Variants in PIP4K2A observed in about 807,000 individuals in gnomAD.
PIP4K2A encodes the protein phosphatidylinositol-5-phosphate 4-kinase type 2 alpha.
A neutral mutation model predicts 42.9 loss-of-function variants in PIP4K2A; 14 were observed. The observed-to-expected ratio is 0.33, with a 90% CI of 0.22 to 0.51. The LOEUF is 0.51. Ranked by LOEUF, PIP4K2A falls within the 20% of genes least tolerant of loss-of-function variation. PIP4K2A has a pLI of 0.97. For missense variants in PIP4K2A, 434 were observed against 519.8 expected, an observed-to-expected ratio of 0.83 and a Z score of 1.61; for synonymous variants, 192 against 192.2, an observed-to-expected ratio of 1.00 and a Z score of 0.01.
chr10:22,673,049 G>A (rs902431832), intron 1 of PIP4K2A, among the ~76,000 whole-genome samples: 1 of 152,248 alleles, frequency 6.6e-6, no homozygotes, highest in Non-Finnish European at 1.5e-5. Flanking sequence ...GGACAGGTGA[G>A]TGCTCTGAAC....
In PIP4K2A at chr10:22,601,079, C is replaced by T. The variant is rs184392709; in HGVS notation, c.339+6848G>A. ...CTTCTAAATCTCAGCTGCTGTTTCACGATGATTAAAACACCAGGGACCCAG... is the reference window on the plus strand; with the variant it reads ...CTTCTAAATCTCAGCTGCTGTTTCATGATGATTAAAACACCAGGGACCCAG... On this transcript the variant is annotated intron_variant, in intron 3 of 9. Transcript: ENST00000376573. Among the ~76,000 whole-genome samples the T allele has an allele frequency of 2.8e-4, 35 of 126,200 alleles. No individual in the cohort carries two copies. In the South Asian group the frequency reaches 5.3e-3, roughly 19 times the overall value. 82.8% of individuals were successfully genotyped at this position (126,200 alleles called of 152,430 possible). A position where few individuals can be genotyped will look rare whatever the true frequency, so the allele number is the denominator to read the frequency against.
chr10:22,693,699 C>T (rs564690596), intron 1 of PIP4K2A, among the ~76,000 whole-genome samples: 25 of 152,264 alleles, frequency 1.6e-4, no homozygotes, highest in African/African-American at 5.8e-4. Context: ...ATGACCTTAA[C>T]ACACACACCC....
chr10:22,689,087 G>A (rs546716873), intron 1 of PIP4K2A, among the ~76,000 whole-genome samples: 9 of 152,204 alleles, frequency 5.9e-5, no homozygotes, highest in South Asian at 4.1e-4. Context: ...CACAAGGGTG[G>A]GTCTGGTGGA....
At chr10:22,674,826 G>A (rs1158277788) in intron 1 of PIP4K2A, among the ~76,000 whole-genome samples, 1 of 151,570 alleles carries the variant, frequency 6.6e-6, no homozygotes, top group African/African-American at 2.4e-5. Flanking sequence ...CCAGCCAGGA[G>A]TGGTGGTGTG....
intron 3 of PIP4K2A, among the ~76,000 whole-genome samples, chr10:22,596,526 A>T (rs1837639660): frequency 6.6e-6 from 1 of 152,232 alleles, no homozygotes; most frequent in Non-Finnish European, 1.5e-5. Context: ...GCCTCAAAAC[A>T]GTCTATCTAC....
At chr10:22,672,287 G>A (rs191766323) in intron 1 of PIP4K2A, among the ~76,000 whole-genome samples, 3 of 148,870 alleles carry the variant, frequency 2.0e-5, no homozygotes, top group East Asian at 2.0e-4. Flanking sequence ...GGGACAGTGT[G>A]GGGGGGGATT....
At chr10:22,650,280 G>T (rs977916480) in intron 1 of PIP4K2A, among the ~76,000 whole-genome samples, 6 of 152,066 alleles carry the variant, frequency 3.9e-5, no homozygotes, top group Non-Finnish European at 8.8e-5. Flanking sequence ...CTGAGACTGG[G>T]TATCCCTTTG....
chr10:22,541,444 GTTAT>G (rs1836110112), intron 8 of PIP4K2A, among the ~76,000 whole-genome samples: 1 of 152,190 alleles, frequency 6.6e-6, no homozygotes, highest in African/African-American at 2.4e-5. Flanking sequence ...CATTTCTGAT[GTTAT>G]TTGTGAACAT....
chr10:22,664,636 A>G (rs1839314134), intron 1 of PIP4K2A, among the ~76,000 whole-genome samples: 1 of 152,112 alleles, frequency 6.6e-6, no homozygotes, highest in Non-Finnish European at 1.5e-5. Context: ...ATGCTTTTAA[A>G]CAAAAATTCT....
At position 22,557,421 on chromosome 10, in the gene PIP4K2A, C is replaced by G. The variant is rs12257835; in HGVS notation, c.679-6649G>C. ...TTTGCAGAATCTCTAAAACCAAAAC[C>G]AAAACAATGTGTTTACCAAAAGAGT... is the stretch of plus-strand genomic sequence containing the variant. On this transcript the variant is annotated intron_variant, in intron 6 of 9. Coordinates refer to ENST00000376573, the MANE Select transcript of PIP4K2A (RefSeq NM_005028.5). Among the ~76,000 whole-genome samples, 900 of 152,240 alleles carry G rather than the reference C, an allele frequency of 5.9e-3. 6 individuals carry two copies. Among genetic ancestry groups the G allele is most frequent in the African/African-American group, 0.02 (849 of 41,544 alleles).
intron 1 of PIP4K2A, among the ~76,000 whole-genome samples, chr10:22,650,329 CACAGCAA>C (rs1449862622): frequency 6.6e-6 from 1 of 152,206 alleles, no homozygotes; most frequent in Non-Finnish European, 1.5e-5. Flanking sequence ...GGCCACAGCT[CACAGCAA>C]CTTCGACTTC....
Position 22,550,769 on chromosome 10 carries a change from T to C in PIP4K2A, c.682A>G (p.Lys228Glu), listed in dbSNP as rs747465159. Residue 228 changes from lysine to glutamate, a missense_variant, in exon 7 of 10, where the codon AAA becomes GAA. By Grantham distance (56) the Lys-to-Glu change is moderately conservative (BLOSUM62 1). Around this residue, in one of 2 missense-constraint regions of PIP4K2A, gnomAD observed 395 missense variants for 444.5 expected, o/e 0.89. Transcript: ENST00000376573. ...AREASDKEKA[K>E]ELPTLKDNDF... The stretch of plus-strand genomic sequence containing the variant: ...TTATCTTTCAGAGTTGGCAGTTCTT[T>C]GGCCTAAAACAAATGAGAAAAACAA... 1 of 1,575,986 alleles carries C rather than the reference T, an allele frequency of 6.3e-7. No individual in the cohort carries two copies. The highest frequency in any genetic ancestry group is 1.1e-5 in the South Asian group (1 of 90,154).
chr10:22,627,528 C>T (rs1838465570), intron 1 of PIP4K2A, among the ~76,000 whole-genome samples: 1 of 139,956 alleles, frequency 7.1e-6, no homozygotes, highest in African/African-American at 2.6e-5. Context: ...CCCTGCTCAT[C>T]AAGAATGTGA....
intron 1 of PIP4K2A, among the ~76,000 whole-genome samples, chr10:22,648,886 C>A (rs1032395606): frequency 4.6e-5 from 7 of 152,186 alleles, no homozygotes; most frequent in African/African-American, 1.7e-4. Flanking sequence ...TACTTGTGAT[C>A]ATCAGAACGT....
chr10:22,700,207 G>A (rs1833689127), intron 1 of PIP4K2A, among the ~76,000 whole-genome samples: 2 of 152,188 alleles, frequency 1.3e-5, no homozygotes. Context: ...GATACTTGGA[G>A]GCAGTGGCAT....
intron 6 of PIP4K2A, among the ~76,000 whole-genome samples, chr10:22,551,895 G>C (rs1032675953): frequency 6.6e-6 from 1 of 152,090 alleles, no homozygotes; most frequent in Non-Finnish European, 1.5e-5. Context: ...TCACATGCTC[G>C]AACTGTTCAC....
chr10:22,666,927 C>G (rs1345119928), intron 1 of PIP4K2A, among the ~76,000 whole-genome samples: 2 of 152,210 alleles, frequency 1.3e-5, no homozygotes, highest in Non-Finnish European at 2.9e-5. Context: ...CGATGCCATT[C>G]TATGAGGCAC....
At chr10:22,653,341 C>A (rs549447498) in intron 1 of PIP4K2A, among the ~76,000 whole-genome samples, 1 of 152,250 alleles carries the variant, frequency 6.6e-6, no homozygotes, top group South Asian at 2.1e-4. Context: ...TTCTCCTCCA[C>A]CTCTTTCTAC....
At chr10:22,654,746 C>A (rs1232484774) in intron 1 of PIP4K2A, among the ~76,000 whole-genome samples, 2 of 152,086 alleles carry the variant, frequency 1.3e-5, no homozygotes, top group Non-Finnish European at 2.9e-5. Context: ...ACCTCTGAGC[C>A]CTCCCCTCAC....
Sources: allele counts gnomAD v4.1 joint callset (sites outside exome capture counted in the v4.1 genomes callset), GRCh38; gene constraint gnomAD v4.1.1; regional missense constraint gnomAD v4.1.1; transcripts MANE v1.5; gene names NCBI Gene and HGNC (gene_info 2026-07-23, HGNC 2026-07-21).